CACNA2D1: variants seen among roughly 807,000 people sequenced by gnomAD.
The protein encoded by CACNA2D1 is calcium voltage-gated channel auxiliary subunit alpha2delta 1.
Under a neutral mutation model 171.5 loss-of-function variants are expected in CACNA2D1, and 53 were observed. The ratio of observed to expected loss-of-function variants is 0.31; its 90% CI spans 0.25 to 0.39. The LOEUF is 0.39. Among genes scored for constraint, CACNA2D1 ranks in the 10% least tolerant of loss-of-function variants. CACNA2D1 has a pLI of 1.00. For synonymous variants in CACNA2D1, 442 were observed against 443.1 expected, an observed-to-expected ratio of 1.00 and a Z score of 0.03; for missense variants, 903 against 1,299.8, an observed-to-expected ratio of 0.69 and a Z score of 4.69.
At chr7:82,247,796 C>T (rs1036763241) in intron 3 of CACNA2D1, among the ~76,000 whole-genome samples, 3 of 152,032 alleles carry the variant, frequency 2.0e-5, no homozygotes, top group African/African-American at 7.3e-5. Context: ...TCAGTAAACC[C>T]AAAATTTGGA....
intron 1 of CACNA2D1, among the ~76,000 whole-genome samples, chr7:82,355,572 T>A (rs562109943): frequency 4.6e-5 from 7 of 152,218 alleles, no homozygotes; most frequent in African/African-American, 1.4e-4. Context: ...TCAAGGTACA[T>A]ATGCAACAGG....
At chr7:82,381,187 C>G (rs1346444350) in intron 1 of CACNA2D1, among the ~76,000 whole-genome samples, 2 of 151,576 alleles carry the variant, frequency 1.3e-5, no homozygotes, top group East Asian at 2.0e-4. Flanking sequence ...GGTGGCGGGC[C>G]CCTGTAGTCC....
At chr7:82,351,113 G>A (rs1345304330) in intron 1 of CACNA2D1, among the ~76,000 whole-genome samples, 1 of 152,128 alleles carries the variant, frequency 6.6e-6, no homozygotes, top group Non-Finnish European at 1.5e-5. Context: ...AGAAACATTA[G>A]TAAGCCAGTA....
intron 1 of CACNA2D1, among the ~76,000 whole-genome samples, chr7:82,429,246 T>C (rs1167106989): frequency 1.3e-5 from 2 of 152,222 alleles, no homozygotes; most frequent in Admixed American, 6.5e-5. Flanking sequence ...TTTCACTTGA[T>C]ATAAATCATT....
At position 81,967,674 on chromosome 7, in the gene CACNA2D1, A is replaced by C. The variant is rs1456623263; in HGVS notation, c.2396-11T>G. On this transcript the variant is annotated splice_polypyrimidine_tract_variant and intron_variant, in intron 29 of 38. Coordinates refer to ENST00000356860, the MANE Select transcript of CACNA2D1 (RefSeq NM_000722.4). Reference sequence around the variant, plus strand: ...TTTTAATTCCAACAACTGAAAAATTAATTTGAATTAATTCAAAGGTATAAT... The same window carrying C: ...TTTTAATTCCAACAACTGAAAAATTCATTTGAATTAATTCAAAGGTATAAT... 2 of 1,207,532 alleles carry C rather than the reference A, an allele frequency of 1.7e-6. No homozygotes were observed. Among genetic ancestry groups the C allele is most frequent in the Non-Finnish European group, 2.4e-6 (2 of 822,908 alleles). 74.8% of individuals were successfully genotyped at this position (1,207,532 alleles called of 1,614,324 possible).
chr7:81,984,767 T>TA, intron 21 of CACNA2D1, 56 bp from the exon 22 acceptor site: 25 of 907,180 alleles, frequency 2.8e-5, no homozygotes, highest in East Asian at 5.3e-5. Flanking sequence ...AAACATAACT[T>TA]AAAAAAAAGA....
chr7:81,963,017 G>C (rs912746700), intron 34 of CACNA2D1, among the ~76,000 whole-genome samples: 1 of 151,828 alleles, frequency 6.6e-6, no homozygotes, highest in African/African-American at 2.4e-5. Flanking sequence ...GCACATTTCA[G>C]TTTTACAGTA....
intron 6 of CACNA2D1, among the ~76,000 whole-genome samples, chr7:82,096,562 T>C (rs2129028299): frequency 6.6e-6 from 1 of 151,162 alleles, no homozygotes; most frequent in East Asian, 1.9e-4. Flanking sequence ...GAAATATTAA[T>C]ATAAAGCATT....
intron 5 of CACNA2D1, among the ~76,000 whole-genome samples, chr7:82,130,310 T>C (rs1270246209): frequency 6.6e-6 from 1 of 152,188 alleles, no homozygotes; most frequent in Non-Finnish European, 1.5e-5. Flanking sequence ...TTCATTTCAC[T>C]GCCAAACATT....
chr7:82,170,904 T>G (rs567852078), intron 3 of CACNA2D1, among the ~76,000 whole-genome samples: 4 of 152,224 alleles, frequency 2.6e-5, no homozygotes, highest in East Asian at 1.9e-4. Flanking sequence ...TGACTAATAC[T>G]TCAGTTTTTA....
intron 6 of CACNA2D1, among the ~76,000 whole-genome samples, chr7:82,112,749 G>A (rs1428917616): frequency 6.6e-6 from 1 of 152,156 alleles, no homozygotes; most frequent in Non-Finnish European, 1.5e-5. Context: ...GACCTTGTTG[G>A]AACAGATTAG....
intron 3 of CACNA2D1, among the ~76,000 whole-genome samples, chr7:82,191,707 G>C (rs919586377): frequency 6.6e-6 from 1 of 151,732 alleles, no homozygotes; most frequent in African/African-American, 2.4e-5. Context: ...TCTCTTGTTA[G>C]AGGCATACGT....
Position 81,959,313 on chromosome 7 carries a change from G to A in CACNA2D1, c.3121C>T (p.Arg1041Ter), listed in dbSNP as rs752471498. 1 of 1,611,420 alleles carries A rather than the reference G, an allele frequency of 6.2e-7. No individual in the cohort carries two copies. Among genetic ancestry groups the A allele is most frequent in the Non-Finnish European group, 8.5e-7 (1 of 1,177,874 alleles). The change falls in exon 38 of 39, where the codon CGA becomes TGA. Residue 1041 changes from arginine to a stop codon, truncating the protein, a stop_gained. Coordinates refer to ENST00000356860, the MANE Select transcript of CACNA2D1 (RefSeq NM_000722.4). LOFTEE classifies it high-confidence loss of function. ...PCDMVKQPRY[R>*]KGPDVCFDNN... Reference sequence around the variant, plus strand: ...TCAAAGCAGACATCAGGCCCTTTTCGGTATCTGGGTTGCTTAACCATGTCA... The same window carrying A: ...TCAAAGCAGACATCAGGCCCTTTTCAGTATCTGGGTTGCTTAACCATGTCA...
chr7:82,380,924 G>T (rs1201590337), intron 1 of CACNA2D1, among the ~76,000 whole-genome samples: 6 of 151,918 alleles, frequency 3.9e-5, no homozygotes, highest in African/African-American at 2.4e-5. Flanking sequence ...TGAACTTTTG[G>T]TCTCAAGTGA....
At chr7:82,243,626 A>G (rs1804574925) in intron 3 of CACNA2D1, among the ~76,000 whole-genome samples, 1 of 152,096 alleles carries the variant, frequency 6.6e-6, no homozygotes, top group South Asian at 2.1e-4. Flanking sequence ...CCCACAACAA[A>G]CCCATGAACA....
chr7:81,964,129 G>C, intron 33 of CACNA2D1, 21 bp from the exon 34 acceptor site: 1 of 1,611,422 alleles, frequency 6.2e-7, no homozygotes, highest in Non-Finnish European at 8.5e-7. Flanking sequence ...AAATAATAAG[G>C]TCATTTCAGT....
At chr7:82,211,173 AG>A (rs987840162) in intron 3 of CACNA2D1, among the ~76,000 whole-genome samples, 3 of 142,730 alleles carry the variant, frequency 2.1e-5, no homozygotes, top group African/African-American at 9.2e-5. Context: ...CCCTTGGGAC[AG>A]GGGGATTCTT....
intron 4 of CACNA2D1, among the ~76,000 whole-genome samples, chr7:82,158,181 CTATA>C (rs1794562112): frequency 6.6e-6 from 1 of 151,594 alleles, no homozygotes; most frequent in South Asian, 2.1e-4. Flanking sequence ...CATATGTAAA[CTATA>C]TATATAATGT....
At chr7:82,016,952 A>G (rs1014975828) in intron 12 of CACNA2D1, among the ~76,000 whole-genome samples, 2 of 151,958 alleles carry the variant, frequency 1.3e-5, no homozygotes, top group African/African-American at 2.4e-5. Flanking sequence ...TAAAGACATT[A>G]TTTTCCTGAA....
Sources: gnomAD v4.1 joint callset for allele counts (sites outside exome capture counted in the v4.1 genomes callset) on GRCh38, gnomAD v4.1.1 for gene constraint, MANE v1.5 for transcripts, NCBI Gene and HGNC (gene_info 2026-07-23, HGNC 2026-07-21) for gene names.